The following RAP1GAP2 variants were observed in gnomAD, a reference collection of about 807,000 sequenced individuals.
The protein encoded by RAP1GAP2 is RAP1 GTPase activating protein 2.
In RAP1GAP2, 27 loss-of-function variants were observed where a neutral mutation model predicts 95.0. The observed-to-expected ratio is 0.28, with a 90% CI of 0.21 to 0.39. The LOEUF is 0.39. RAP1GAP2 is among the 10% of genes least tolerant of loss of function. The pLI, the probability that RAP1GAP2 is intolerant of heterozygous loss-of-function variation, is 1.00. For synonymous variants in RAP1GAP2, 373 were observed against 380.9 expected, an observed-to-expected ratio of 0.98 and a Z score of 0.24; for missense variants, 771 against 970.0, an observed-to-expected ratio of 0.79 and a Z score of 2.72.
chr17:2,984,902 A>G, intron 10 of RAP1GAP2, 81 bp from the exon 11 acceptor site: 1 of 1,575,356 alleles, frequency 6.3e-7, no homozygotes, highest in South Asian at 1.2e-5. Context: ...CCCCAAATGG[A>G]TGCTTCCCCT....
chr17:2,842,896 G>T (rs2071427291), intron 2 of RAP1GAP2, among the ~76,000 whole-genome samples: 1 of 152,106 alleles, frequency 6.6e-6, no homozygotes, highest in East Asian at 1.9e-4. Context: ...CCAGAACATG[G>T]AATCCTCCTT....
chr17:2,915,779 C>G (rs2042548589), intron 3 of RAP1GAP2, among the ~76,000 whole-genome samples: 1 of 152,084 alleles, frequency 6.6e-6, no homozygotes, highest in African/African-American at 2.4e-5. Flanking sequence ...CTCACTGCAA[C>G]CTCTGCTTCC....
intron 19 of RAP1GAP2, 41 bp downstream of exon 19, chr17:3,020,636 G>A: frequency 1.3e-6 from 2 of 1,567,910 alleles, no homozygotes; most frequent in Non-Finnish European, 1.7e-6. Context: ...GACTTGCGGG[G>A]TCTGTCAACC....
At chr17:2,953,005 T>A (rs939315541) in intron 3 of RAP1GAP2, among the ~76,000 whole-genome samples, 2 of 151,876 alleles carry the variant, frequency 1.3e-5, no homozygotes, top group African/African-American at 2.4e-5. Context: ...AGGGTTTCAC[T>A]ATGTTGGCCA....
At chr17:2,804,126 C>T (rs2069414455) in intron 2 of RAP1GAP2, among the ~76,000 whole-genome samples, 1 of 152,188 alleles carries the variant, frequency 6.6e-6, no homozygotes, top group African/African-American at 2.4e-5. Context: ...TCTACAGCAG[C>T]TCACTGCATT....
chr17:3,011,454 A>T (rs999947409), intron 17 of RAP1GAP2, among the ~76,000 whole-genome samples: 1 of 150,900 alleles, frequency 6.6e-6, no homozygotes, highest in Middle Eastern at 3.4e-3. Context: ...TAGTTTTGGT[A>T]TTTTTTTTTC....
chr17:2,910,871 G>A (rs761529903), intron 3 of RAP1GAP2, among the ~76,000 whole-genome samples: 2 of 152,140 alleles, frequency 1.3e-5, no homozygotes, highest in African/African-American at 2.4e-5. Context: ...GCTAATTTTT[G>A]TATTTTTAGT....
At chr17:2,821,427 G>A (rs2070301808) in intron 2 of RAP1GAP2, among the ~76,000 whole-genome samples, 1 of 142,270 alleles carries the variant, frequency 7.0e-6, no homozygotes, top group Non-Finnish European at 1.5e-5. Context: ...CCAGGCTGGA[G>A]TGCAGTGGCA....
Position 2,906,993 on chromosome 17 carries a change from C to A in RAP1GAP2, c.165+1625C>A, listed in dbSNP as rs2042218769. 6.6e-6 allele frequency among the ~76,000 whole-genome samples: 1 copy of A among 152,142 alleles called. No homozygotes were observed. Among genetic ancestry groups the A allele is most frequent in the Admixed American group, 6.6e-5 (1 of 15,260 alleles). ...GCAAGATCAGTCTCATTCTTTCTCT[C>A]TTCTGTGTTGGTTTCATTCTTTGTC... is the stretch of plus-strand genomic sequence containing the variant. On this transcript the variant is annotated intron_variant, in intron 3 of 24. Transcript: ENST00000254695. The surrounding 1 kb of genome is among the most constrained non-coding windows in gnomAD (Gnocchi z 4.3).
chr17:2,782,722 G>A (rs984833110), intron 1 of RAP1GAP2, among the ~76,000 whole-genome samples: 1 of 152,048 alleles, frequency 6.6e-6, no homozygotes, highest in Non-Finnish European at 1.5e-5. Flanking sequence ...AGGTGGGTTC[G>A]AAAACATCCC....
intron 1 of RAP1GAP2, among the ~76,000 whole-genome samples, chr17:2,770,064 C>A (rs2068357779): frequency 7.5e-6 from 1 of 133,964 alleles, no homozygotes; most frequent in Non-Finnish European, 1.5e-5. Context: ...CAGAGAGAGA[C>A]TCGGTCTCAA....
chr17:3,009,988 CT>C (rs2046464921), intron 17 of RAP1GAP2, among the ~76,000 whole-genome samples: 1 of 152,112 alleles, frequency 6.6e-6, no homozygotes, highest in Non-Finnish European at 1.5e-5. Context: ...CTCCACCACA[CT>C]CCATAGCCCA....
intron 3 of RAP1GAP2, among the ~76,000 whole-genome samples, chr17:2,912,197 C>T (rs2042409294): frequency 6.6e-6 from 1 of 152,198 alleles, no homozygotes; most frequent in Non-Finnish European, 1.5e-5. Context: ...TCAGAGGAGC[C>T]TCCTCCTTGC....
At chr17:2,833,689 C>CAAAAAAAAAA (rs112909808) in intron 2 of RAP1GAP2, among the ~76,000 whole-genome samples, 2 of 53,690 alleles carry the variant, frequency 3.7e-5, no homozygotes, top group Non-Finnish European at 7.9e-5. Flanking sequence ...GACTCCGTCT[C>CAAAAAAAAAA]AAAAAAAAAA....
intron 1 of RAP1GAP2, among the ~76,000 whole-genome samples, chr17:2,766,662 T>C (rs1460178441): frequency 6.6e-6 from 1 of 151,704 alleles, no homozygotes; most frequent in Non-Finnish European, 1.5e-5. Context: ...TATACGAAGA[T>C]GCATGAGAGA....
At chr17:2,811,966 C>T (rs1302196273) in intron 2 of RAP1GAP2, among the ~76,000 whole-genome samples, 2 of 152,162 alleles carry the variant, frequency 1.3e-5, no homozygotes, top group African/African-American at 2.4e-5. Context: ...CCCCCCAGCT[C>T]GGCCTCCCAA....
chr17:2,880,907 A>G (rs2073260529), intron 2 of RAP1GAP2, among the ~76,000 whole-genome samples: 1 of 151,988 alleles, frequency 6.6e-6, no homozygotes, highest in Admixed American at 6.6e-5. Flanking sequence ...CGGGTGGATC[A>G]TTTGAGGTCA....
rs545785867 is a variant in RAP1GAP2, at chr17:2,796,782, C to T, written c.44+211C>T. On this transcript the variant is annotated intron_variant, in intron 1 of 24. Transcript: ENST00000254695. This position sits in a 1 kb window ranked among gnomAD's most constrained non-coding sequence, Gnocchi z 4.7. Reference sequence around the variant, plus strand: ...ACTGTCCCTGGGCACAATCTGCTGGCGAATCCTGGAGGTCTGCGCCGGCTG... The same window carrying T: ...ACTGTCCCTGGGCACAATCTGCTGGTGAATCCTGGAGGTCTGCGCCGGCTG... 4.6e-5 allele frequency among the ~76,000 whole-genome samples: 7 copies of T among 152,254 alleles called. No homozygotes were observed. The East Asian group carries it at 7.7e-4, about 17-fold the overall frequency.
chr17:2,766,734 C>G (rs564931774), intron 1 of RAP1GAP2, among the ~76,000 whole-genome samples: 150 of 152,336 alleles, frequency 9.8e-4, no homozygotes, highest in African/African-American at 3.5e-3. Flanking sequence ...GAAGAGGGCC[C>G]TCACCAGGCA....
Sources: allele counts gnomAD v4.1 joint callset (sites outside exome capture counted in the v4.1 genomes callset), GRCh38; gene constraint gnomAD v4.1.1; non-coding constraint Gnocchi (gnomAD v3.1); transcripts MANE v1.5; gene names NCBI Gene and HGNC (gene_info 2026-07-23, HGNC 2026-07-21).